The following SAMD7 variants were observed in gnomAD, a reference collection of about 807,000 sequenced individuals.
SAMD7 encodes sterile alpha motif domain-containing protein 7.
A neutral mutation model predicts 36.7 loss-of-function variants in SAMD7; 34 were observed. The observed-to-expected ratio is 0.93, with a 90% CI of 0.71 to 1.23. The LOEUF (loss-of-function observed/expected upper bound fraction) is 1.23. Among genes scored for constraint, SAMD7 ranks in the 50% most tolerant of loss-of-function variants. SAMD7 has a pLI of 0.00. For missense variants in SAMD7, 570 were observed against 546.6 expected (o/e 1.04, Z -0.43); for synonymous variants, 188 against 189.7 (o/e 0.99, Z 0.07).
Position 169,938,600 on chromosome 3 carries a change from GA to G in SAMD7, c.*96del. On this transcript the variant is annotated 3_prime_UTR_variant, in exon 9 of 9. Transcript: ENST00000335556. Reference sequence around the variant, plus strand: ...TGAGGATTTCCCAGTACTGGATGGAGAATGAGAAGAGAAAGTCAGCCTTTCT... The same window carrying G: ...TGAGGATTTCCCAGTACTGGATGGAGATGAGAAGAGAAAGTCAGCCTTTCT... The G allele has an allele frequency of 1.3e-6, 1 of 789,634 alleles. No homozygotes were observed. The highest frequency in any genetic ancestry group is 2.8e-5 in the East Asian group (1 of 35,780). 48.9% of individuals were successfully genotyped at this position (789,634 alleles called of 1,614,324 possible). A position where few individuals can be genotyped will look rare whatever the true frequency, so the allele number is the denominator to read the frequency against.
At position 169,921,301 on chromosome 3, in the gene SAMD7, A is replaced by G. The variant is rs1474862088; in HGVS notation, c.174A>G (p.Thr58=). ...TTGGATCCTCTGTTCTACCAAACACAAATATGGCAAATGTGTTGTCCAGTC... is the reference window on the plus strand; with the variant it reads ...TTGGATCCTCTGTTCTACCAAACACGAATATGGCAAATGTGTTGTCCAGTC... The part of the protein sequence containing the change: ...SQFGSSVLPN[T]NMANVLSSRI... The change falls in exon 4 of 9, where the codon ACA becomes ACG. Residue 58 remains threonine (T), a synonymous_variant. Coordinates refer to ENST00000335556, the MANE Select transcript of SAMD7 (RefSeq NM_001304366.2). 6.2e-7 allele frequency: 1 copy of G among 1,614,166 alleles called. No homozygotes were observed. The highest frequency in any genetic ancestry group is 8.5e-7 in the Non-Finnish European group (1 of 1,179,998).
At chr3:169,933,158 C>T in intron 7 of SAMD7, 1 of 743,162 alleles carries the variant, frequency 1.3e-6, no homozygotes, top group Middle Eastern at 2.4e-4. Flanking sequence ...GTGTCCTGGC[C>T]ACCGTGGAGC....
At chr3:169,920,887 T>C (rs988423507) in intron 3 of SAMD7, among the ~76,000 whole-genome samples, 2 of 152,168 alleles carry the variant, frequency 1.3e-5, no homozygotes, top group African/African-American at 2.4e-5. Context: ...AGAAAAGAAT[T>C]TGTGGTCACA....
intron 5 of SAMD7, 51 bp downstream of exon 5, chr3:169,925,187 T>C: frequency 3.4e-6 from 4 of 1,193,046 alleles, no homozygotes; most frequent in Admixed American, 1.9e-5. Flanking sequence ...ACTTGCTCAT[T>C]TATTCACTTG....
At chr3:169,918,150 T>C (rs897838443) in intron 2 of SAMD7, among the ~76,000 whole-genome samples, 4 of 149,500 alleles carry the variant, frequency 2.7e-5, no homozygotes, top group African/African-American at 7.4e-5. Flanking sequence ...GTTGGCCAGG[T>C]TCGTCTTGAA....
Position 169,930,578 on chromosome 3 carries a change from CTTTTTTT to C in SAMD7, c.1041+2015_1041+2021del, listed in dbSNP as rs772549629. On this transcript the variant is annotated intron_variant, in intron 7 of 8. Transcript: ENST00000335556. ...TTGTTACTCATAGCCCCTTTCTTTT[CTTTTTTT>C]TTTTTTTTTTTTTTGAGACAGAGTC... 2.0e-4 allele frequency among the ~76,000 whole-genome samples: 20 copies of C among 101,720 alleles called. 1 individual carries two copies. Among genetic ancestry groups the C allele is most frequent in the African/African-American group, 7.7e-4 (19 of 24,520 alleles). 66.7% of individuals were successfully genotyped at this position (101,720 alleles called of 152,430 possible).
Position 169,936,333 on chromosome 3 carries a change from A to G in SAMD7, c.1042-6A>G. ...GACAGAGTTAACACCTTTTGTATTT[A>G]TGAAGGTATTTAAAGATCATGCAAT... On this transcript the variant is annotated splice_polypyrimidine_tract_variant and splice_region_variant and intron_variant, in intron 7 of 8. Transcript: ENST00000335556. 6.5e-7 allele frequency: 1 copy of G among 1,537,302 alleles called. No homozygotes were observed. The highest frequency in any genetic ancestry group is 9.0e-7 in the Non-Finnish European group (1 of 1,111,506).
chr3:169,932,984 C>A (rs535228783), intron 7 of SAMD7: 198 of 715,900 alleles, frequency 2.8e-4, no homozygotes, highest in Non-Finnish European at 4.2e-4. Flanking sequence ...CATTCTTTCC[C>A]CCCCTCTATC....
At position 169,936,386 on chromosome 3, in the gene SAMD7, A is replaced by C; in HGVS notation, c.1089A>C (p.Thr363=). 6.2e-7 allele frequency: 1 copy of C among 1,613,804 alleles called. No homozygotes were observed. The highest frequency in any genetic ancestry group is 8.5e-7 in the Non-Finnish European group (1 of 1,179,708). The change falls in exon 8 of 9, where the codon ACA becomes ACC. Residue 363 remains threonine (T), a synonymous_variant. Transcript: ENST00000335556. ...ATGGAGAAACTTTGCCATTACTCAC[A>C]GAAGAGCATCTTCGAGGCACTATGG... ...AIDGETLPLL[T]EEHLRGTMGL...
In SAMD7 at chr3:169,936,416, A is replaced by T. The variant is rs1223900173; in HGVS notation, c.1119A>T (p.Leu373Phe). The change falls in exon 8 of 9, where the codon TTA becomes TTT. Residue 373 changes from leucine (L) to phenylalanine (F), a missense_variant. Leu to Phe is a conservative substitution (Grantham distance 22). Coordinates refer to ENST00000335556, the MANE Select transcript of SAMD7 (RefSeq NM_001304366.2). ...AGCATCTTCGAGGCACTATGGGATT[A>T]AAGCTAGGGCCGGCACTAAAAATTC... Reference protein sequence around the residue: ...TEEHLRGTMGLKLGPALKIQS... With the variant: ...TEEHLRGTMGFKLGPALKIQS... The T allele has an allele frequency of 6.2e-7, 1 of 1,613,188 alleles. No individual in the cohort carries two copies. The highest frequency in any genetic ancestry group is 1.1e-5 in the South Asian group (1 of 91,020).
intron 2 of SAMD7, among the ~76,000 whole-genome samples, chr3:169,917,099 C>T (rs1712837936): frequency 6.6e-6 from 1 of 152,174 alleles, no homozygotes; most frequent in African/African-American, 2.4e-5. Context: ...AGATAAAGAA[C>T]TTTAATATGT....
At chr3:169,913,807 A>C (rs1428314629) in intron 1 of SAMD7, among the ~76,000 whole-genome samples, 1 of 152,266 alleles carries the variant, frequency 6.6e-6, no homozygotes, top group African/African-American at 2.4e-5. Context: ...GAAAGTTCAC[A>C]TTTAAAGACT....
At chr3:169,929,171 G>A (rs1203708179) in intron 7 of SAMD7, among the ~76,000 whole-genome samples, 3 of 152,134 alleles carry the variant, frequency 2.0e-5, no homozygotes, top group African/African-American at 4.8e-5. Context: ...AACAAAACTA[G>A]CCTCACTAGT....
intron 7 of SAMD7, chr3:169,932,959 G>T: frequency 1.4e-6 from 1 of 689,866 alleles, no homozygotes; most frequent in Non-Finnish European, 2.7e-6. Context: ...GGAACCCCTT[G>T]CTGGATGAAA....
At position 169,926,314 on chromosome 3, in the gene SAMD7, G is replaced by A. The variant is rs183002604; in HGVS notation, c.291-239G>A. ...GCCCCATCCCTGCTAAATTTGCCTC[G>A]TCTGTTTAAAGGTAACACTCTAAAG... On this transcript the variant is annotated intron_variant, in intron 5 of 8. Transcript: ENST00000335556. 5.6e-5 allele frequency: 79 copies of A among 1,398,918 alleles called. 2 individuals are homozygous for A. In the South Asian group the frequency reaches 7.2e-4, roughly 13 times the overall value. 86.7% of individuals were successfully genotyped at this position (1,398,918 alleles called of 1,614,324 possible).
chr3:169,935,482 T>C (rs1009988396), intron 7 of SAMD7, among the ~76,000 whole-genome samples: 4 of 152,008 alleles, frequency 2.6e-5, no homozygotes, highest in South Asian at 4.2e-4. Flanking sequence ...TCTTATCTAC[T>C]GGTTTTTGTT....
chr3:169,925,878 G>C (rs1262360487), intron 5 of SAMD7, among the ~76,000 whole-genome samples: 1 of 152,156 alleles, frequency 6.6e-6, no homozygotes, highest in African/African-American at 2.4e-5. Flanking sequence ...TTTGCGCAAA[G>C]ATAGGAGCCA....
In SAMD7 at chr3:169,936,486, G is replaced by A. The variant is rs532399820; in HGVS notation, c.1152+37G>A. On this transcript the variant is annotated intron_variant, in intron 8 of 8. Coordinates refer to ENST00000335556, the MANE Select transcript of SAMD7 (RefSeq NM_001304366.2). ...TTATATAACTAATTATGTATTAATGGCACAAAGCTTAATACAAATATGTTA... is the reference window on the plus strand; with the variant it reads ...TTATATAACTAATTATGTATTAATGACACAAAGCTTAATACAAATATGTTA... 5.6e-6 allele frequency: 6 copies of A among 1,079,846 alleles called. No homozygotes were observed. In the South Asian group the frequency reaches 7.8e-5, roughly 14 times the overall value. 66.9% of individuals were successfully genotyped at this position (1,079,846 alleles called of 1,614,324 possible).
chr3:169,919,891 A>G (rs992169658), intron 3 of SAMD7, among the ~76,000 whole-genome samples: 20 of 152,146 alleles, frequency 1.3e-4, no homozygotes, highest in African/African-American at 4.8e-4. Flanking sequence ...AATACTGCAG[A>G]CAGCCGGGCA....
Sources: allele counts gnomAD v4.1 joint callset (sites outside exome capture counted in the v4.1 genomes callset), GRCh38; gene constraint gnomAD v4.1.1; transcripts MANE v1.5; gene names NCBI Gene and HGNC (gene_info 2026-07-23, HGNC 2026-07-21).